PDE11A: variants seen among roughly 807,000 people sequenced by gnomAD.
PDE11A encodes the protein phosphodiesterase 11A.
Under a neutral mutation model 100.5 loss-of-function variants are expected in PDE11A, and 100 were observed. The ratio of observed to expected loss-of-function variants is 1.00; its 90% CI spans 0.85 to 1.18. PDE11A has a LOEUF of 1.18. Ranked by LOEUF, PDE11A falls within the 50% of genes most tolerant of loss-of-function variation. The probability of loss-of-function intolerance (pLI) is 0.00; values close to 1 mark genes in which losing one functional copy is unlikely to be tolerated. For missense variants in PDE11A, 1,141 were observed against 1,152.6 expected, an observed-to-expected ratio of 0.99 and a Z score of 0.15; for synonymous variants, 381 against 420.8, an observed-to-expected ratio of 0.91 and a Z score of 1.16.
intron 10 of PDE11A, among the ~76,000 whole-genome samples, chr2:177,738,549 T>C (rs2081826831): frequency 6.6e-6 from 1 of 152,212 alleles, no homozygotes; most frequent in Non-Finnish European, 1.5e-5. Context: ...CCTTTTGTCT[T>C]GGTTCTGCTC....
chr2:177,890,772 A>G (rs909816755), intron 4 of PDE11A, among the ~76,000 whole-genome samples: 6 of 152,204 alleles, frequency 3.9e-5, no homozygotes, highest in Non-Finnish European at 8.8e-5. Flanking sequence ...TCCTTCTGGA[A>G]GAGAAGATAC....
intron 2 of PDE11A, among the ~76,000 whole-genome samples, chr2:178,089,663 A>C (rs979739702): frequency 6.6e-6 from 1 of 152,226 alleles, no homozygotes; most frequent in African/African-American, 2.4e-5. Flanking sequence ...TCGAGAAGAC[A>C]GTTTAGAGGA....
chr2:178,014,873 T>A (rs956338618), intron 1 of PDE11A, among the ~76,000 whole-genome samples: 4 of 98,426 alleles, frequency 4.1e-5, no homozygotes, highest in African/African-American at 1.1e-4. Flanking sequence ...GCCAAAATGA[T>A]CCTGTGAAAA....
At chr2:177,798,484 A>C (rs2082737883) in intron 9 of PDE11A, among the ~76,000 whole-genome samples, 1 of 152,178 alleles carries the variant, frequency 6.6e-6, no homozygotes, top group Non-Finnish European at 1.5e-5. Flanking sequence ...TACAAATCTC[A>C]TGGTTTCCAT....
At chr2:177,940,099 G>A (rs1025396113) in intron 2 of PDE11A, among the ~76,000 whole-genome samples, 2 of 152,138 alleles carry the variant, frequency 1.3e-5, no homozygotes, top group Admixed American at 6.5e-5. Context: ...GGGAGGAGGA[G>A]GAGGAATGGG....
At chr2:177,656,826 G>A (rs1178054087) in intron 19 of PDE11A, among the ~76,000 whole-genome samples, 2 of 152,228 alleles carry the variant, frequency 1.3e-5, no homozygotes, top group African/African-American at 4.8e-5. Flanking sequence ...AGAGCGAGGA[G>A]GCATAGGCAG....
chr2:177,939,311 A>C (rs1487052794), intron 2 of PDE11A, among the ~76,000 whole-genome samples: 1 of 151,390 alleles, frequency 6.6e-6, no homozygotes, highest in Non-Finnish European at 1.5e-5. Flanking sequence ...CAAAAGAAGA[A>C]AGGAAGGAAA....
chr2:177,794,569 A>C (rs1054142475), intron 9 of PDE11A, among the ~76,000 whole-genome samples: 1 of 152,130 alleles, frequency 6.6e-6, no homozygotes, highest in African/African-American at 2.4e-5. Flanking sequence ...TTTCAAAGAG[A>C]TAAAGGCAGC....
chr2:177,954,453 G>A (rs72950819), intron 2 of PDE11A, among the ~76,000 whole-genome samples: 1 of 152,226 alleles, frequency 6.6e-6, no homozygotes, highest in Non-Finnish European at 1.5e-5. Flanking sequence ...GGTAATTAGA[G>A]CAGCAGACAA....
chr2:177,942,170 G>A (rs1261489174), intron 2 of PDE11A, among the ~76,000 whole-genome samples: 1 of 152,196 alleles, frequency 6.6e-6, no homozygotes, highest in East Asian at 1.9e-4. Context: ...TGGGACCCTG[G>A]CTTCATCATT....
chr2:177,970,992 T>C (rs1056483381), intron 2 of PDE11A, among the ~76,000 whole-genome samples: 2 of 152,204 alleles, frequency 1.3e-5, no homozygotes, highest in African/African-American at 4.8e-5. Context: ...GAGGCAAATG[T>C]ACTTACTATT....
chr2:178,008,176 T>C (rs16865998), intron 2 of PDE11A, among the ~76,000 whole-genome samples: 2,244 of 152,298 alleles, frequency 0.015, 43 homozygotes, highest in East Asian at 0.091. Context: ...ATATAGAACA[T>C]AAAAAGTTGC....
intron 15 of PDE11A, among the ~76,000 whole-genome samples, chr2:177,693,292 C>T (rs149609440): frequency 1.3e-4 from 20 of 152,284 alleles, no homozygotes; most frequent in African/African-American, 4.8e-4. Flanking sequence ...AGTCATCAGG[C>T]ACACACAACA....
At chr2:177,994,005 G>A (rs1165031917) in intron 2 of PDE11A, among the ~76,000 whole-genome samples, 3 of 147,234 alleles carry the variant, frequency 2.0e-5, no homozygotes, top group South Asian at 2.1e-4. Flanking sequence ...GAGCAATCTC[G>A]GCTCACTGCA....
intron 10 of PDE11A, among the ~76,000 whole-genome samples, chr2:177,756,638 A>G (rs188482292): frequency 1.3e-5 from 2 of 152,236 alleles, no homozygotes; most frequent in Non-Finnish European, 1.5e-5. Context: ...GGTGAATTAT[A>G]GTATGTGTTA....
intron 19 of PDE11A, among the ~76,000 whole-genome samples, chr2:177,636,648 T>C (rs1446504772): frequency 6.6e-6 from 1 of 152,198 alleles, no homozygotes; most frequent in Non-Finnish European, 1.5e-5. Context: ...GTCATTCACT[T>C]GGTAAGTGAA....
chr2:178,040,777 T>A (rs987127664), intron 1 of PDE11A, among the ~76,000 whole-genome samples: 2 of 152,220 alleles, frequency 1.3e-5, no homozygotes, highest in African/African-American at 4.8e-5. Context: ...TTACAGATAA[T>A]CTACTAAATA....
chr2:178,019,713 A>T (rs138396619), intron 1 of PDE11A, among the ~76,000 whole-genome samples: 1 of 152,196 alleles, frequency 6.6e-6, no homozygotes, highest in African/African-American at 2.4e-5. Flanking sequence ...GGTAAAGAGA[A>T]GTAGACAAAT....
chr2:177,672,700 C>T lies in PDE11A; in HGVS notation c.2487+2755G>A, dbSNP rs568809125. Among the ~76,000 whole-genome samples, 8 of 152,160 alleles carry T rather than the reference C, an allele frequency of 5.3e-5. 1 individual carries two copies. In the South Asian group the frequency reaches 1.2e-3, roughly 24 times the overall value. On this transcript the variant is annotated intron_variant, in intron 17 of 19. Transcript: ENST00000286063. ...CCATTGACTGTTTTGCGAGGAATTA[C>T]AGGAAGTGAGTTAGAAAAGGAGGAA... is the stretch of plus-strand genomic sequence containing the variant.
Sources: gnomAD v4.1 joint callset for allele counts (sites outside exome capture counted in the v4.1 genomes callset) on GRCh38, gnomAD v4.1.1 for gene constraint, MANE v1.5 for transcripts, NCBI Gene and HGNC (gene_info 2026-07-23, HGNC 2026-07-21) for gene names.